Variants in MTCL1 observed in about 807,000 individuals in gnomAD.
MTCL1 encodes the protein microtubule cross-linking factor 1.
In MTCL1, 79 loss-of-function variants were observed where a neutral mutation model predicts 141.4. The observed-to-expected ratio is 0.56, with a 90% CI of 0.47 to 0.67. The LOEUF is 0.67. Ranked by LOEUF, MTCL1 falls within the 30% of genes least tolerant of loss-of-function variation. MTCL1 has a pLI of 0.00. For synonymous variants in MTCL1, 914 were observed against 875.8 expected (o/e 1.04, Z -0.77); for missense variants, 2,177 against 2,113.9 (o/e 1.03, Z -0.59).
intron 4 of MTCL1, among the ~76,000 whole-genome samples, chr18:8,734,429 C>A (rs2096266167): frequency 6.6e-6 from 1 of 152,052 alleles, no homozygotes; most frequent in Non-Finnish European, 1.5e-5. Flanking sequence ...CAGGTCACAC[C>A]CTGCTCCGGA....
intron 4 of MTCL1, among the ~76,000 whole-genome samples, chr18:8,734,934 C>G (rs2096268421): frequency 1.3e-5 from 2 of 152,108 alleles, no homozygotes; most frequent in Non-Finnish European, 2.9e-5. Flanking sequence ...AATTTTCCAC[C>G]AGGAGAGGGT....
chr18:8,723,884 G>A (rs1598395517), intron 4 of MTCL1, among the ~76,000 whole-genome samples: 1 of 152,268 alleles, frequency 6.6e-6, no homozygotes, highest in East Asian at 1.9e-4. Context: ...AATCTGCTAA[G>A]TAACAGAAGC....
intron 4 of MTCL1, among the ~76,000 whole-genome samples, chr18:8,722,259 C>T (rs1227873145): frequency 2.6e-5 from 4 of 152,088 alleles, no homozygotes; most frequent in Non-Finnish European, 4.4e-5. Context: ...ATTGGAGGTG[C>T]GGGGGTCACC....
chr18:8,792,550 T>G (rs1028971151), intron 7 of MTCL1, among the ~76,000 whole-genome samples: 1 of 152,108 alleles, frequency 6.6e-6, no homozygotes, highest in African/African-American at 2.4e-5. Context: ...ATGAAAAAAT[T>G]AATTATGCAA....
At position 8,789,742 on chromosome 18, in the gene MTCL1, G is replaced by A. The variant is rs2075653433; in HGVS notation, c.1888-3256G>A. The A allele has an allele frequency of 1.0e-5, 10 of 978,734 alleles. No homozygotes were observed. The South Asian group carries it at 4.7e-4, about 46-fold the overall frequency. The allele number at this position is 978,734 out of a possible 1,614,324, so 60.6% of individuals were successfully genotyped here. ...TCCTAGGTAAGTGAACAAAAAAAGGGTTTTTTTTAGAATCAAACCTTTGGG... is the reference window on the plus strand; with the variant it reads ...TCCTAGGTAAGTGAACAAAAAAAGGATTTTTTTTAGAATCAAACCTTTGGG... On this transcript the variant is annotated intron_variant, in intron 7 of 16. Transcript: ENST00000359865.
At chr18:8,831,976 A>G (rs2077205457) in exon 17 of MTCL1, 3 of 770,640 alleles carry the variant, frequency 3.9e-6, no homozygotes, top group Non-Finnish European at 6.1e-6. Context: ...TGTTTCTAGA[A>G]TGAAACAGTA....
exon 15 of MTCL1, chr18:8,825,812 C>A: frequency 6.2e-7 from 1 of 1,614,196 alleles, no homozygotes; most frequent in Non-Finnish European, 8.5e-7. Flanking sequence ...GGGAGAGCCC[C>A]GTGCACACCA....
intron 4 of MTCL1, among the ~76,000 whole-genome samples, chr18:8,767,839 A>C (rs1158601516): frequency 1.3e-5 from 2 of 152,214 alleles, no homozygotes; most frequent in Non-Finnish European, 2.9e-5. Flanking sequence ...CCATAATTCT[A>C]TTCCCCATTG....
In MTCL1 at chr18:8,706,045, A is replaced by G. The variant is rs2096057572; in HGVS notation, c.385A>G (p.Ser129Gly). The G allele has an allele frequency of 4.2e-6, 5 of 1,181,472 alleles. No homozygotes were observed. In the South Asian group the frequency reaches 2.1e-4, roughly 49 times the overall value. 73.2% of individuals were successfully genotyped at this position (1,181,472 alleles called of 1,614,324 possible). ...GGGCGGTGCCAAGGCTGCCCTGGGA[A>G]GCAGGAGGGCGGCGCGCGTGGCGCC... The change falls in exon 1 of 14, where the codon AGC becomes GGC. Residue 129 changes from serine to glycine, a missense_variant. Ser to Gly is a moderately conservative substitution (Grantham distance 56). Transcript: ENST00000306329.
At chr18:8,723,295 A>G (rs531581517) in intron 4 of MTCL1, among the ~76,000 whole-genome samples, 4 of 152,352 alleles carry the variant, frequency 2.6e-5, no homozygotes, top group Admixed American at 6.5e-5. Flanking sequence ...GCCAGCTGCT[A>G]TCTTTGTGAA....
upstream of MTCL1, chr18:8,705,574 G>C: frequency 1.4e-6 from 1 of 706,464 alleles, no homozygotes; most frequent in South Asian, 6.1e-5. The surrounding 1 kb of genome is among the most constrained non-coding windows in gnomAD (Gnocchi z 5.2). Flanking sequence ...GAGAGCGCGC[G>C]GGGAGGCTGC....
chr18:8,821,479 C>A, exon 14 of MTCL1: 1 of 1,438,796 alleles, frequency 7.0e-7, no homozygotes. Context: ...AGAAGAAAAT[C>A]ACAAAGGAAA....
intron 8 of MTCL1, 29 bp downstream of exon 7, chr18:8,793,149 C>T: frequency 6.2e-7 from 1 of 1,610,648 alleles, no homozygotes; most frequent in Non-Finnish European, 8.5e-7. Flanking sequence ...CTCAGCACAA[C>T]CGCTTTGTGA....
At chr18:8,733,007 G>A (rs146214450) in intron 4 of MTCL1, among the ~76,000 whole-genome samples, 17 of 152,378 alleles carry the variant, frequency 1.1e-4, no homozygotes, top group African/African-American at 2.2e-4. Flanking sequence ...AGGCAAAGCC[G>A]TGTTCATTGA....
At chr18:8,825,188 C>A in exon 15 of MTCL1, 1 of 1,582,302 alleles carries the variant, frequency 6.3e-7, no homozygotes, top group Non-Finnish European at 8.6e-7. Context: ...CGGGAGACAC[C>A]AAGGGAGGCC....
chr18:8,792,998 C>T (rs1171605090), exon 8 of MTCL1: 1 of 1,613,880 alleles, frequency 6.2e-7, no homozygotes, highest in Middle Eastern at 1.7e-4. Flanking sequence ...CACCGATCAG[C>T]TCAGGGGCCC....
At chr18:8,735,178 T>C (rs892825913) in intron 4 of MTCL1, among the ~76,000 whole-genome samples, 1 of 152,224 alleles carries the variant, frequency 6.6e-6, no homozygotes, top group African/African-American at 2.4e-5. Flanking sequence ...TATGGTTTCC[T>C]GTTACAGTTT....
intron 4 of MTCL1, among the ~76,000 whole-genome samples, chr18:8,758,374 A>T (rs1328900922): frequency 6.6e-6 from 1 of 152,088 alleles, no homozygotes; most frequent in Non-Finnish European, 1.5e-5. Flanking sequence ...CCACCAGGAG[A>T]TCTTTCCACT....
chr18:8,710,852 TTTTTTA>T (rs1371589055), intron 1 of MTCL1, among the ~76,000 whole-genome samples: 201 of 142,764 alleles, frequency 1.4e-3, no homozygotes, highest in African/African-American at 4.8e-3. Flanking sequence ...TTTTTTTTTT[TTTTTTA>T]ATCTGTTTTC....
Sources: allele counts gnomAD v4.1 joint callset (sites outside exome capture counted in the v4.1 genomes callset), GRCh38; gene constraint gnomAD v4.1.1; non-coding constraint Gnocchi (gnomAD v3.1); transcripts MANE v1.5; gene names NCBI Gene and HGNC (gene_info 2026-07-23, HGNC 2026-07-21).